Variants in ACOX3 observed in about 807,000 individuals in gnomAD.
The protein encoded by ACOX3 is acyl-CoA oxidase 3, pristanoyl, also known as peroxisomal acyl-coenzyme A oxidase 3.
Under a neutral mutation model 81.5 loss-of-function variants are expected in ACOX3, and 73 were observed. That is an observed-to-expected ratio of 0.90 (90% CI 0.74 to 1.09). The LOEUF (loss-of-function observed/expected upper bound fraction) is 1.09, where lower values mean the gene tolerates loss of function less well. ACOX3 is among the 50% of genes least tolerant of loss of function. ACOX3 has a pLI of 0.00. For synonymous variants in ACOX3, 387 were observed against 375.1 expected, an observed-to-expected ratio of 1.03 and a Z score of -0.37; for missense variants, 947 against 928.0, an observed-to-expected ratio of 1.02 and a Z score of -0.27.
intron 5 of ACOX3, among the ~76,000 whole-genome samples, chr4:8,411,327 G>A (rs895647681): frequency 6.6e-6 from 1 of 152,216 alleles, no homozygotes; most frequent in Non-Finnish European, 1.5e-5. Context: ...ACAAAATAAC[G>A]TGCCGGGGAG....
Position 8,407,884 on chromosome 4 carries a change from G to A in ACOX3, c.688-1841C>T, listed in dbSNP as rs1721181669. 6.6e-6 allele frequency among the ~76,000 whole-genome samples: 1 copy of A among 152,228 alleles called. No individual in the cohort carries two copies. The highest frequency in any genetic ancestry group is 2.4e-5 in the African/African-American group (1 of 41,450). Reference sequence around the variant, plus strand: ...GCCACCTTCCCCTTCCCCACCAGGGGACACGGGTGGTGTCTGGAGAGATTC... The same window carrying A: ...GCCACCTTCCCCTTCCCCACCAGGGAACACGGGTGGTGTCTGGAGAGATTC... On this transcript the variant is annotated intron_variant, in intron 6 of 17. Transcript: ENST00000356406. The surrounding 1 kb of genome is among the most constrained non-coding windows in gnomAD (Gnocchi z 4.6).
chr4:8,427,633 G>T (rs1243306788), intron 1 of ACOX3, among the ~76,000 whole-genome samples: 1 of 152,182 alleles, frequency 6.6e-6, no homozygotes, highest in Admixed American at 6.5e-5. Context: ...TTCTAATAGA[G>T]CTATAACACT....
At chr4:8,434,312 C>T (rs957811700) in intron 1 of ACOX3, among the ~76,000 whole-genome samples, 10 of 152,196 alleles carry the variant, frequency 6.6e-5, no homozygotes, top group African/African-American at 1.4e-4. Flanking sequence ...CCAGTGCTTC[C>T]GGCCGAATAA....
intron 1 of ACOX3, among the ~76,000 whole-genome samples, chr4:8,422,773 C>G (rs1317716581): frequency 6.6e-6 from 1 of 152,202 alleles, no homozygotes; most frequent in African/African-American, 2.4e-5. Flanking sequence ...GAGCATCTTA[C>G]TTTGGAGGCT....
chr4:8,367,048 C>G lies in ACOX3; in HGVS notation c.2016G>C (p.Gln672His), dbSNP rs201761894. 55 of 1,614,108 alleles carry G rather than the reference C, an allele frequency of 3.4e-5. No homozygotes were observed. The East Asian group carries it at 1.2e-3, about 36-fold the overall frequency. ...LYKNLWGAVL[Q>H]ESKVLERASW... ...ATGCCCGCTCCAACACCTTGCTTTCCTGCAGGACAGCGCCCCAGAGGTTTT... is the reference window on the plus strand; with the variant it reads ...ATGCCCGCTCCAACACCTTGCTTTCGTGCAGGACAGCGCCCCAGAGGTTTT... Residue 672 changes from glutamine to histidine, a missense_variant, in exon 18 of 18, where the codon CAG (glutamine) becomes CAC (histidine). Physicochemically the swap from Gln to His is conservative, Grantham distance 24. Coordinates refer to ENST00000356406, the MANE Select transcript of ACOX3 (RefSeq NM_003501.3).
At position 8,366,902 on chromosome 4, in the gene ACOX3, T is replaced by C; in HGVS notation, c.*59A>G. ...CGTGTTCTGGAATCAGAAGTTGAGGTCCACGTCTGATTAGTTCCCTTCGTT... is the reference window on the plus strand; with the variant it reads ...CGTGTTCTGGAATCAGAAGTTGAGGCCCACGTCTGATTAGTTCCCTTCGTT... On this transcript the variant is annotated 3_prime_UTR_variant, in exon 18 of 18. Transcript: ENST00000356406. 1.3e-6 allele frequency: 2 copies of C among 1,597,826 alleles called. No homozygotes were observed. The highest frequency in any genetic ancestry group is 1.7e-6 in the Non-Finnish European group (2 of 1,168,402).
chr4:8,372,946 G>A (rs920284202), intron 16 of ACOX3, among the ~76,000 whole-genome samples: 3 of 152,248 alleles, frequency 2.0e-5, no homozygotes, highest in East Asian at 1.9e-4. Flanking sequence ...TCACACAGCC[G>A]CCTTCCCCCA....
intron 11 of ACOX3, among the ~76,000 whole-genome samples, chr4:8,391,376 A>C (rs1009065932): frequency 1.3e-5 from 2 of 152,164 alleles, no homozygotes; most frequent in African/African-American, 4.8e-5. Flanking sequence ...GTGTAGTTCT[A>C]GATAGAGCAT....
At chr4:8,424,891 G>A (rs1483726680) in intron 1 of ACOX3, among the ~76,000 whole-genome samples, 1 of 152,206 alleles carries the variant, frequency 6.6e-6, no homozygotes, top group Non-Finnish European at 1.5e-5. Flanking sequence ...GTATGCAGTG[G>A]TCAGTGATAA....
intron 1 of ACOX3, among the ~76,000 whole-genome samples, chr4:8,435,074 G>C (rs1277197843): frequency 6.6e-6 from 1 of 152,172 alleles, no homozygotes; most frequent in African/African-American, 2.4e-5. Flanking sequence ...AAAAATAAAA[G>C]GAAAGTCATC....
intron 11 of ACOX3, among the ~76,000 whole-genome samples, chr4:8,390,757 T>A (rs1369583316): frequency 6.6e-6 from 1 of 152,186 alleles, no homozygotes; most frequent in Non-Finnish European, 1.5e-5. Context: ...CTGTGACTGA[T>A]GGATCCTGAG....
At chr4:8,388,780 G>A (rs1387072633) in intron 13 of ACOX3, among the ~76,000 whole-genome samples, 1 of 152,250 alleles carries the variant, frequency 6.6e-6, no homozygotes, top group Non-Finnish European at 1.5e-5. Context: ...GGGCCTGGGA[G>A]TGGGGAAGAC....
At chr4:8,365,752 G>C (rs369109541), downstream of ACOX3, among the ~76,000 whole-genome samples, 34 of 94,376 alleles carry the variant, frequency 3.6e-4, no homozygotes, top group African/African-American at 1.4e-3. Context: ...GGGATGTGGT[G>C]GGGGGGTGGT....
the ACOX3 span, among the ~76,000 whole-genome samples, chr4:8,359,354 T>G: frequency 2.0e-5 from 3 of 152,082 alleles, no homozygotes; most frequent in African/African-American, 7.2e-5. The surrounding 1 kb of genome is among the most constrained non-coding windows in gnomAD (Gnocchi z 6.0). Context: ...CACAGTGGGT[T>G]AGAGGCCCCT....
chr4:8,390,807 G>A (rs1354395173), intron 11 of ACOX3, among the ~76,000 whole-genome samples: 6 of 152,142 alleles, frequency 3.9e-5, no homozygotes, highest in Non-Finnish European at 7.3e-5. Context: ...CTGCCAACAC[G>A]CTTGTGATTA....
chr4:8,405,318 C>T lies in ACOX3; in HGVS notation c.776+637G>A, dbSNP rs1011713548. On this transcript the variant is annotated intron_variant, in intron 7 of 17. Coordinates refer to ENST00000356406, the MANE Select transcript of ACOX3 (RefSeq NM_003501.3). This position sits in a 1 kb window ranked among gnomAD's most constrained non-coding sequence, Gnocchi z 7.1. Reference sequence around the variant, plus strand: ...TCCAAAATCACTGGCCACTTCTCCCCGGCCACCCAGGCCTCCATGTGGCCA... The same window carrying T: ...TCCAAAATCACTGGCCACTTCTCCCTGGCCACCCAGGCCTCCATGTGGCCA... 1.4e-4 allele frequency among the ~76,000 whole-genome samples: 21 copies of T among 152,186 alleles called. No individual in the cohort carries two copies. Among genetic ancestry groups the T allele is most frequent in the African/African-American group, 2.7e-4 (11 of 41,450 alleles).
downstream of ACOX3, among the ~76,000 whole-genome samples, chr4:8,364,298 G>A (rs547230933): frequency 6.6e-6 from 1 of 152,330 alleles, no homozygotes; most frequent in African/African-American, 2.4e-5. The surrounding 1 kb of genome is among the most constrained non-coding windows in gnomAD (Gnocchi z 5.0). Context: ...TGTGTCACAG[G>A]TCATAGTCTT....
chr4:8,398,277 G>C (rs1157919662), intron 8 of ACOX3, among the ~76,000 whole-genome samples: 1 of 152,144 alleles, frequency 6.6e-6, no homozygotes, highest in Non-Finnish European at 1.5e-5. Flanking sequence ...AAGTTCAAGT[G>C]TTTTTTATTC....
At chr4:8,395,621 G>C (rs557407117) in intron 9 of ACOX3, among the ~76,000 whole-genome samples, 50 of 152,370 alleles carry the variant, frequency 3.3e-4, no homozygotes, top group Non-Finnish European at 1.0e-4. Context: ...AGCACAGAAA[G>C]GCTAAGGACC....
Sources: allele counts gnomAD v4.1 joint callset (sites outside exome capture counted in the v4.1 genomes callset), GRCh38; gene constraint gnomAD v4.1.1; non-coding constraint Gnocchi (gnomAD v3.1); transcripts MANE v1.5; gene names NCBI Gene and HGNC (gene_info 2026-07-23, HGNC 2026-07-21).